CHD2: variants seen among roughly 807,000 people sequenced by gnomAD.
CHD2 encodes ATP-dependent chromatin remodeler CHD2.
In CHD2, 28 loss-of-function variants were observed where a neutral mutation model predicts 243.9. The ratio of observed to expected loss-of-function variants is 0.11; its 90% confidence interval spans 0.09 to 0.16. CHD2 has a LOEUF of 0.16. CHD2 is among the 10% of genes least tolerant of loss of function. The probability of loss-of-function intolerance (pLI) is 1.00; values close to 1 mark genes in which losing one functional copy is unlikely to be tolerated. For missense variants in CHD2, 1,386 were observed against 2,209.8 expected, an observed-to-expected ratio of 0.63 and a Z score of 7.47; for synonymous variants, 775 against 779.0, an observed-to-expected ratio of 0.99 and a Z score of 0.09.
chr15:93,013,102 A>C (rs1036434720), intron 36 of CHD2, among the ~76,000 whole-genome samples: 2 of 152,228 alleles, frequency 1.3e-5, no homozygotes, highest in Non-Finnish European at 2.9e-5. Flanking sequence ...TGTTCTCAGC[A>C]CATAGAATGG....
intron 16 of CHD2, among the ~76,000 whole-genome samples, chr15:92,966,360 A>G (rs952557037): frequency 9.2e-5 from 14 of 152,046 alleles, no homozygotes; most frequent in African/African-American, 3.4e-4. Flanking sequence ...TACTTCGCCC[A>G]GCCAGAGATA....
intron 20 of CHD2, among the ~76,000 whole-genome samples, chr15:92,975,581 T>C (rs369771992): frequency 6.6e-6 from 1 of 151,994 alleles, no homozygotes; most frequent in South Asian, 2.1e-4. Flanking sequence ...ACTGTAATAA[T>C]GTGTAGAGCT....
At chr15:92,996,893 T>A (rs1250182406) in intron 28 of CHD2, 64 bp from the exon 29 acceptor site, 1 of 1,519,050 alleles carries the variant, frequency 6.6e-7, no homozygotes, top group African/African-American at 1.4e-5. Context: ...GGTTCGTTGA[T>A]ACATGTTTTC....
At chr15:92,910,028 C>G (rs1192402771) in intron 2 of CHD2, among the ~76,000 whole-genome samples, 1 of 151,190 alleles carries the variant, frequency 6.6e-6, no homozygotes, top group Non-Finnish European at 1.5e-5. Context: ...TCTTTTGAGA[C>G]AGGGTTTCAC....
intron 32 of CHD2, among the ~76,000 whole-genome samples, chr15:93,001,218 A>G (rs1279256789): frequency 1.3e-5 from 2 of 152,148 alleles, no homozygotes; most frequent in African/African-American, 4.8e-5. Context: ...CATTCTTGCA[A>G]ATGACGGGGA....
intron 16 of CHD2, among the ~76,000 whole-genome samples, chr15:92,962,528 A>G (rs528456412): frequency 2.6e-5 from 4 of 152,254 alleles, no homozygotes; most frequent in East Asian, 3.9e-4. Flanking sequence ...CATGCTTTAA[A>G]TGAATTTATT....
At chr15:92,902,581 A>AT (rs1250432127) in intron 2 of CHD2, 1 of 158,400 alleles carries the variant, frequency 6.3e-6, no homozygotes, top group Non-Finnish European at 1.4e-5. Context: ...GCTTTAGAAA[A>AT]TAAGTTACCA....
chr15:92,951,041 G>C (rs2053547501), intron 13 of CHD2, among the ~76,000 whole-genome samples: 1 of 152,168 alleles, frequency 6.6e-6, no homozygotes, highest in African/African-American at 2.4e-5. Context: ...ATAAAAGTTA[G>C]ATGAACTTTA....
At chr15:93,006,420 C>T (rs1035877593) in intron 34 of CHD2, among the ~76,000 whole-genome samples, 9 of 152,084 alleles carry the variant, frequency 5.9e-5, no homozygotes, top group African/African-American at 1.7e-4. Flanking sequence ...CCACCGCACC[C>T]GGCCTTTTCT....
intron 2 of CHD2, among the ~76,000 whole-genome samples, chr15:92,913,910 T>G (rs73456415): frequency 2.0e-3 from 306 of 152,282 alleles, no homozygotes; most frequent in African/African-American, 6.8e-3. Flanking sequence ...ATGTTGGTTG[T>G]TAGTAATAAA....
intron 20 of CHD2, among the ~76,000 whole-genome samples, chr15:92,975,167 A>G (rs1395669110): frequency 2.0e-5 from 3 of 152,232 alleles, no homozygotes; most frequent in African/African-American, 7.2e-5. Flanking sequence ...TGGGTTGACA[A>G]CAGAGTGGTT....
chr15:92,948,788 G>A (rs559740732), intron 12 of CHD2, among the ~76,000 whole-genome samples, 164 bp from the exon 13 acceptor site: 2 of 152,162 alleles, frequency 1.3e-5, no homozygotes, highest in African/African-American at 2.4e-5. Context: ...GCAGTGAGCC[G>A]AGATTGGGCC....
Position 92,950,077 on chromosome 15 carries a change from G to A in CHD2, c.1502+1001G>A, listed in dbSNP as rs189341104. 6.1e-3 allele frequency among the ~76,000 whole-genome samples: 922 copies of A among 152,282 alleles called. 20 individuals carry two copies. Among genetic ancestry groups the A allele is most frequent in the Non-Finnish European group, 7.4e-3 (505 of 68,030 alleles). ...ATAATAACATTTCCAAATAAGGAAG[G>A]GGTGTAGGCTGTAAGCTGGGAAATG... is the stretch of plus-strand genomic sequence containing the variant. On this transcript the variant is annotated intron_variant, in intron 13 of 38. Transcript: ENST00000394196.
chr15:92,920,047 A>G (rs776690213), intron 2 of CHD2, among the ~76,000 whole-genome samples: 6 of 152,236 alleles, frequency 3.9e-5, no homozygotes, highest in Non-Finnish European at 5.9e-5. Context: ...ACTCACAAGT[A>G]TACTTCAAAT....
At position 92,953,590 on chromosome 15, in the gene CHD2, A is replaced by C. The variant is rs1218596517; in HGVS notation, c.1719+17A>C. 1 of 1,604,442 alleles carries C rather than the reference A, an allele frequency of 6.2e-7. No individual in the cohort carries two copies. The highest frequency in any genetic ancestry group is 1.3e-5 in the African/African-American group (1 of 74,712). ...AGAAATACGGTGTGTAAACAAAAAG[A>C]GCTGGGTTAGAATCTGTGTTATAAA... On this transcript the variant is annotated intron_variant, in intron 14 of 38. Transcript: ENST00000394196.
chr15:92,946,210 A>T lies in CHD2; in HGVS notation c.1371A>T (p.Glu457Asp), dbSNP rs770946811. Residue 457 changes from glutamate (E) to aspartate (D), a missense_variant, in exon 12 of 39, where the codon GAA (glutamate) becomes GAT (aspartate). By Grantham distance (45) the Glu-to-Asp change is conservative (BLOSUM62 2). This residue lies in a region of CHD2 where 200 missense variants were observed against 292.5 expected (regional missense o/e 0.68). Coordinates refer to ENST00000394196, the MANE Select transcript of CHD2 (RefSeq NM_001271.4). ...ACTCAAAAACCATCCCAACAAGAGA[A>T]TGCAAGGTATGGTGATGGTTGGCTT... is the stretch of plus-strand genomic sequence containing the variant. ...RNNSKTIPTR[E>D]CKALKQRPRF... is the part of the protein sequence containing the mutation. 6.2e-7 allele frequency: 1 copy of T among 1,609,808 alleles called. No homozygotes were observed.
chr15:93,000,730 G>C, intron 32 of CHD2, 90 bp downstream of exon 32: 5 of 1,358,730 alleles, frequency 3.7e-6, no homozygotes, highest in Non-Finnish European at 4.0e-6. Context: ...AAATGTGTTT[G>C]GTTTACGAGT....
intron 8 of CHD2, 112 bp from the exon 9 acceptor site, chr15:92,942,731 G>A (rs2053403301): frequency 2.9e-6 from 2 of 701,506 alleles, no homozygotes; most frequent in Admixed American, 3.5e-5. Context: ...TCAAGTTGAA[G>A]TATTTTGGTG....
Position 92,997,533 on chromosome 15 carries a change from C to G in CHD2, c.3885+130C>G. 1 of 806,598 alleles carries G rather than the reference C, an allele frequency of 1.2e-6. No homozygotes were observed. The highest frequency in any genetic ancestry group is 1.8e-6 in the Non-Finnish European group (1 of 553,456). The allele number at this position is 806,598 out of a possible 1,614,324, so 50.0% of individuals were successfully genotyped here. ...ATTAGTATAGTCATTCTTGGAAATA[C>G]TTCCATCTTTAGCAGATTGTGGCAC... On this transcript the variant is annotated intron_variant, in intron 30 of 38. Transcript: ENST00000394196. This position sits in a 1 kb window ranked among gnomAD's most constrained non-coding sequence, Gnocchi z 4.1.
Sources: gnomAD v4.1 joint callset for allele counts (sites outside exome capture counted in the v4.1 genomes callset) on GRCh38, gnomAD v4.1.1 for gene constraint, gnomAD v4.1.1 regional missense constraint, Gnocchi (gnomAD v3.1) non-coding constraint, MANE v1.5 for transcripts, NCBI Gene and HGNC (gene_info 2026-07-23, HGNC 2026-07-21) for gene names.